SCMH1: variants seen among roughly 807,000 people sequenced by gnomAD.
SCMH1 encodes polycomb protein SCMH1.
SCMH1 carries 37 observed loss-of-function variants against 70.8 expected under a neutral mutation model. The ratio of observed to expected loss-of-function variants is 0.52; its 90% CI spans 0.40 to 0.69. The LOEUF is 0.69. SCMH1 is among the 30% of genes least tolerant of loss of function. The pLI is 0.00. For missense variants in SCMH1, 607 were observed against 827.3 expected (o/e 0.73, Z 3.27); for synonymous variants, 292 against 307.4 (o/e 0.95, Z 0.52).
chr1:41,111,092 T>A (rs1025980078), intron 8 of SCMH1, among the ~76,000 whole-genome samples: 4 of 152,226 alleles, frequency 2.6e-5, no homozygotes, highest in Admixed American at 1.3e-4. Context: ...TCTGGAGAAA[T>A]ATCTATCCAA....
intron 1 of SCMH1, among the ~76,000 whole-genome samples, chr1:41,240,252 G>A (rs1663241790): frequency 6.6e-6 from 1 of 152,204 alleles, no homozygotes; most frequent in Non-Finnish European, 1.5e-5. Flanking sequence ...TGTCTAAGTT[G>A]TAAAAACACT....
intron 10 of SCMH1, among the ~76,000 whole-genome samples, chr1:41,050,432 AC>A (rs1647668452): frequency 6.6e-6 from 1 of 152,172 alleles, no homozygotes. Context: ...CAGGTTCACC[AC>A]CTGAAAAATG....
intron 13 of SCMH1, 94 bp from the exon 15 acceptor site, chr1:41,028,820 A>T: frequency 7.2e-7 from 1 of 1,384,396 alleles, no homozygotes; most frequent in Non-Finnish European, 1.0e-6. Context: ...CTTCTAGGTG[A>T]TGCTCACAGT....
intron 8 of SCMH1, among the ~76,000 whole-genome samples, chr1:41,086,068 T>C (rs1029152783): frequency 6.6e-6 from 1 of 152,144 alleles, no homozygotes; most frequent in Non-Finnish European, 1.5e-5. Context: ...CTCGATCTCC[T>C]GACCTTGTGA....
intron 12 of SCMH1, 124 bp downstream of exon 12, chr1:41,046,283 G>C (rs1173337208): frequency 5.4e-6 from 4 of 735,034 alleles, no homozygotes; most frequent in South Asian, 3.9e-5. Flanking sequence ...GTAAGGGACA[G>C]AAAAGCAGAC....
chr1:41,211,975 T>C (rs959261424), intron 1 of SCMH1, among the ~76,000 whole-genome samples: 15 of 151,950 alleles, frequency 9.9e-5, no homozygotes, highest in African/African-American at 3.6e-4. Flanking sequence ...ATGAGAACAC[T>C]TGGATACAGG....
chr1:41,139,449 G>A (rs1643858764), intron 6 of SCMH1, among the ~76,000 whole-genome samples: 1 of 152,068 alleles, frequency 6.6e-6, no homozygotes, highest in African/African-American at 2.4e-5. Context: ...CATAAGTTAT[G>A]GGTGGATTGT....
intron 11 of SCMH1, among the ~76,000 whole-genome samples, chr1:41,047,352 A>T (rs1646990589): frequency 6.6e-6 from 1 of 151,794 alleles, no homozygotes; most frequent in African/African-American, 2.4e-5. Flanking sequence ...GCTGGGCCTC[A>T]GAAGGGACAT....
intron 12 of SCMH1, chr1:41,041,600 A>C (rs999006110): frequency 6.6e-6 from 1 of 152,238 alleles, no homozygotes; most frequent in Non-Finnish European, 1.5e-5. Context: ...AGTGTGCTTC[A>C]GTGAATTATG....
intron 6 of SCMH1, among the ~76,000 whole-genome samples, chr1:41,126,262 G>A (rs58931609): frequency 0.011 from 1,743 of 152,192 alleles, 35 homozygotes; most frequent in African/African-American, 0.04. Flanking sequence ...AAGGTATACT[G>A]TGAAGGTTCT....
chr1:41,144,754 C>T (rs1220253581), intron 5 of SCMH1, among the ~76,000 whole-genome samples: 1 of 152,068 alleles, frequency 6.6e-6, no homozygotes, highest in Non-Finnish European at 1.5e-5. Context: ...ACATTCTCAC[C>T]AACACTTGCC....
chr1:41,172,786 T>TA (rs1220011319), intron 2 of SCMH1, among the ~76,000 whole-genome samples: 1 of 152,278 alleles, frequency 6.6e-6, no homozygotes, highest in East Asian at 1.9e-4. Context: ...TAAATCCATG[T>TA]ATTTACAGCC....
chr1:41,235,582 A>T (rs1662213337), intron 1 of SCMH1, among the ~76,000 whole-genome samples: 1 of 150,240 alleles, frequency 6.7e-6, no homozygotes, highest in South Asian at 2.1e-4. Flanking sequence ...AAAAAAAAAA[A>T]AAAAAAAAAA....
At chr1:41,184,063 T>C (rs1034285975) in intron 2 of SCMH1, among the ~76,000 whole-genome samples, 3 of 152,200 alleles carry the variant, frequency 2.0e-5, no homozygotes, top group Non-Finnish European at 2.9e-5. Context: ...GTCACTGAAC[T>C]GTACACTAAA....
intron 2 of SCMH1, among the ~76,000 whole-genome samples, chr1:41,185,042 G>T (rs1049723282): frequency 6.6e-6 from 1 of 151,980 alleles, no homozygotes; most frequent in Non-Finnish European, 1.5e-5. Context: ...CAATATTATG[G>T]GTTTAAAGAG....
At chr1:41,216,162 C>T (rs747898950) in intron 1 of SCMH1, among the ~76,000 whole-genome samples, 5 of 152,150 alleles carry the variant, frequency 3.3e-5, no homozygotes, top group African/African-American at 1.2e-4. Flanking sequence ...TCTTATTTAT[C>T]GCTAGAGCTA....
chr1:41,197,382 A>G (rs1180179666), intron 1 of SCMH1, among the ~76,000 whole-genome samples: 3 of 152,234 alleles, frequency 2.0e-5, no homozygotes, highest in African/African-American at 7.2e-5. Flanking sequence ...CAATTCTGAT[A>G]AATGCTACAA....
intron 13 of SCMH1, among the ~76,000 whole-genome samples, chr1:41,034,409 A>G (rs11209379): frequency 0.85 from 128,811 of 151,430 alleles, 55,270 homozygotes; most frequent in East Asian, 0.97. Context: ...CTCACTGCAA[A>G]CTCGGCCTCC....
At chr1:41,218,570 C>T (rs1242228954) in intron 1 of SCMH1, among the ~76,000 whole-genome samples, 1 of 152,168 alleles carries the variant, frequency 6.6e-6, no homozygotes, top group Non-Finnish European at 1.5e-5. Flanking sequence ...TATTAGACTT[C>T]TAGCCTCCAG....
Sources: allele counts gnomAD v4.1 joint callset (sites outside exome capture counted in the v4.1 genomes callset), GRCh38; gene constraint gnomAD v4.1.1; transcripts MANE v1.5; gene names NCBI Gene and HGNC (gene_info 2026-07-23, HGNC 2026-07-21).